TNNI3K: variants seen among roughly 807,000 people sequenced by gnomAD.
TNNI3K encodes serine/threonine-protein kinase TNNI3K.
Under a neutral mutation model 114.5 loss-of-function variants are expected in TNNI3K, and 140 were observed. The observed-to-expected ratio is 1.22, with a 90% CI of 1.07 to 1.41. The LOEUF (loss-of-function observed/expected upper bound fraction) is 1.41, where lower values mean the gene tolerates loss of function less well. TNNI3K is among the 40% of genes most tolerant of loss of function. The pLI is 0.00. For synonymous variants in TNNI3K, 347 were observed against 347.5 expected (o/e 1.00, Z 0.02); for missense variants, 1,125 against 1,007.6 (o/e 1.12, Z -1.58).
chr1:74,537,453 G>T (rs1557635497), intron 23 of TNNI3K, among the ~76,000 whole-genome samples: 1 of 152,138 alleles, frequency 6.6e-6, no homozygotes, highest in East Asian at 1.9e-4. Context: ...AGGAAGTGAG[G>T]CCAAAGATGC....
intron 6 of TNNI3K, among the ~76,000 whole-genome samples, chr1:74,332,206 A>G (rs184876262): frequency 6.6e-6 from 1 of 152,172 alleles, no homozygotes; most frequent in Admixed American, 6.5e-5. Flanking sequence ...GAATTGCCAC[A>G]TGACTGAGCT....
At chr1:74,314,366 CAAAG>C (rs1264863653) in intron 5 of TNNI3K, among the ~76,000 whole-genome samples, 3 of 151,952 alleles carry the variant, frequency 2.0e-5, no homozygotes, top group African/African-American at 7.2e-5. Context: ...TTTTCTTTAA[CAAAG>C]AACATTTTGT....
intron 2 of TNNI3K, 46 bp from the exon 3 acceptor site, chr1:74,249,413 T>A: frequency 1.3e-6 from 2 of 1,560,524 alleles, no homozygotes; most frequent in Non-Finnish European, 1.7e-6. Context: ...AAAGACAATA[T>A]GCTAAAAGAT....
chr1:74,497,290 C>T (rs1669377530), intron 23 of TNNI3K, among the ~76,000 whole-genome samples: 1 of 152,022 alleles, frequency 6.6e-6, no homozygotes, highest in Admixed American at 6.6e-5. Flanking sequence ...ATAACAGTGG[C>T]CATGTCTCCT....
chr1:74,257,663 C>CTTT (rs66853287), intron 4 of TNNI3K, among the ~76,000 whole-genome samples: 1,692 of 87,062 alleles, frequency 0.019, 35 homozygotes, highest in East Asian at 0.042. Context: ...TGGCTTACCT[C>CTTT]TTTTTTTTTT....
At chr1:74,317,896 G>C (rs1436700133) in intron 5 of TNNI3K, among the ~76,000 whole-genome samples, 1 of 152,080 alleles carries the variant, frequency 6.6e-6, no homozygotes, top group Non-Finnish European at 1.5e-5. Flanking sequence ...GTCATCCAGG[G>C]GAACCCCCTG....
intron 21 of TNNI3K, chr1:74,464,742 AC>A: frequency 6.4e-7 from 1 of 1,572,922 alleles, no homozygotes; most frequent in Non-Finnish European, 8.6e-7. Context: ...TCAGAAGATA[AC>A]CTCTTATCCT....
At chr1:74,299,792 G>T (rs960025060) in intron 5 of TNNI3K, among the ~76,000 whole-genome samples, 1 of 152,122 alleles carries the variant, frequency 6.6e-6, no homozygotes, top group African/African-American at 2.4e-5. Context: ...AGGGTTTGGA[G>T]AGGATGCTGA....
At chr1:74,286,896 T>C (rs2100272294) in intron 5 of TNNI3K, among the ~76,000 whole-genome samples, 1 of 152,056 alleles carries the variant, frequency 6.6e-6, no homozygotes, top group East Asian at 1.9e-4. Flanking sequence ...CCTAAGGAAA[T>C]GAAGATTTCT....
intron 17 of TNNI3K, among the ~76,000 whole-genome samples, chr1:74,383,365 GA>G (rs1344198436): frequency 1.3e-5 from 2 of 151,892 alleles, no homozygotes; most frequent in Admixed American, 1.3e-4. Flanking sequence ...GCCTTCATCT[GA>G]AAAGCTTCAT....
At chr1:74,374,419 T>C (rs1421033853) in intron 17 of TNNI3K, 1 of 151,904 alleles carries the variant, frequency 6.6e-6, no homozygotes, top group Admixed American at 6.6e-5. Flanking sequence ...GGAAACTGAC[T>C]AAAGAGACTA....
chr1:74,336,396 A>T (rs1660466618), intron 7 of TNNI3K, among the ~76,000 whole-genome samples: 1 of 152,228 alleles, frequency 6.6e-6, no homozygotes, highest in East Asian at 1.9e-4. Context: ...CATGTGCACA[A>T]CATGCAGGTT....
intron 20 of TNNI3K, among the ~76,000 whole-genome samples, chr1:74,462,995 T>C (rs1667514569): frequency 6.6e-6 from 1 of 152,250 alleles, no homozygotes; most frequent in South Asian, 2.1e-4. Flanking sequence ...TCTACTTTGC[T>C]CAAGTGATAC....
intron 7 of TNNI3K, among the ~76,000 whole-genome samples, chr1:74,337,999 T>C (rs1660562731): frequency 6.6e-6 from 1 of 152,098 alleles, no homozygotes; most frequent in African/African-American, 2.4e-5. Flanking sequence ...CAATTGCCAG[T>C]AACATTCTTA....
intron 9 of TNNI3K, among the ~76,000 whole-genome samples, chr1:74,348,603 C>T (rs1482404366): frequency 1.3e-5 from 2 of 152,186 alleles, no homozygotes; most frequent in African/African-American, 4.8e-5. Flanking sequence ...TGGCCATTTT[C>T]ACGACATTGA....
chr1:74,528,410 A>T (rs1237428068), intron 23 of TNNI3K, among the ~76,000 whole-genome samples: 1 of 152,118 alleles, frequency 6.6e-6, no homozygotes, highest in Non-Finnish European at 1.5e-5. Context: ...AGGTGTCAGA[A>T]CACATGAGAG....
At position 74,367,258 on chromosome 1, in the gene TNNI3K, C is replaced by T; in HGVS notation, c.1180C>T (p.His394Tyr). The change falls in exon 12 of 25, where the codon CAT (histidine) becomes TAT (tyrosine). Residue 394 changes from histidine to tyrosine, a missense_variant and splice_region_variant. His to Tyr is a moderately conservative substitution (Grantham distance 83, BLOSUM62 2). Transcript: ENST00000326637. The stretch of plus-strand genomic sequence containing the variant: ...GTTCTTTGTATCTTTTCATAAAGGG[C>T]ATGATGCCATTGTCACACTCCTGAA... ...TCLMWAYEKG[H>Y]DAIVTLLKHY... 1 of 1,611,662 alleles carries T rather than the reference C, an allele frequency of 6.2e-7. No homozygotes were observed. The highest frequency in any genetic ancestry group is 1.1e-5 in the South Asian group (1 of 90,972).
intron 17 of TNNI3K, among the ~76,000 whole-genome samples, chr1:74,391,458 A>C (rs959083653): frequency 5.3e-5 from 8 of 152,106 alleles, no homozygotes. Context: ...ATAGGAGATG[A>C]GGGGAAGAGA....
chr1:74,473,675 C>A lies in TNNI3K; in HGVS notation c.2121+10125C>A, dbSNP rs78687453. Among the ~76,000 whole-genome samples the A allele has an allele frequency of 3.5e-4, 54 of 152,134 alleles. 2 individuals carry two copies. In the East Asian group the frequency reaches 7.4e-3, roughly 21 times the overall value. On this transcript the variant is annotated intron_variant, in intron 21 of 24. Coordinates refer to ENST00000326637, the MANE Select transcript of TNNI3K (RefSeq NM_015978.3). ...AGAGGTAAACTAAGTTCCAGACTAG[C>A]ATCTAATTCCAATCTAAGATCTGCC...
Sources: allele counts gnomAD v4.1 joint callset (sites outside exome capture counted in the v4.1 genomes callset), GRCh38; gene constraint gnomAD v4.1.1; transcripts MANE v1.5; gene names NCBI Gene and HGNC (gene_info 2026-07-23, HGNC 2026-07-21).